The following CRYBG2 variants were observed in gnomAD, a reference collection of about 807,000 sequenced individuals.
CRYBG2 encodes beta/gamma crystallin domain-containing protein 2.
In CRYBG2, 106 loss-of-function variants were observed where a neutral mutation model predicts 153.4. That is an observed-to-expected ratio of 0.69 (90% CI 0.59 to 0.81). The LOEUF (loss-of-function observed/expected upper bound fraction) is 0.81. Among genes scored for constraint, CRYBG2 ranks in the 30% least tolerant of loss-of-function variants. The probability of loss-of-function intolerance (pLI) is 0.00; values close to 1 mark genes in which losing one functional copy is unlikely to be tolerated. For missense variants in CRYBG2, 1,996 were observed against 2,112.0 expected (o/e 0.95, Z 1.08); for synonymous variants, 851 against 877.8 (o/e 0.97, Z 0.54).
intron 16 of CRYBG2, 111 bp downstream of exon 16, chr1:26,328,623 G>A: frequency 1.2e-5 from 18 of 1,450,894 alleles, no homozygotes; most frequent in Non-Finnish European, 1.7e-5. Flanking sequence ...TTGGAGGGGA[G>A]TGGGGGAAAA....
In CRYBG2 at chr1:26,344,347, G is replaced by T; in HGVS notation, c.2311C>A (p.Leu771Met). The change falls in exon 2 of 20, where the codon CTG becomes ATG. Residue 771 changes from leucine to methionine, a missense_variant. Coordinates refer to ENST00000308182, the MANE Select transcript of CRYBG2 (RefSeq NM_001039775.4). ...ATCTCAGGGGGCTCCATGCTCCGCA[G>T]CGTATCCAGGAATATCTCCAGGTCA... Reference protein sequence around the residue: ...AADLEIFLDTLRSMEPPEILR... With the variant: ...AADLEIFLDTMRSMEPPEILR... 1 of 1,504,930 alleles carries T rather than the reference G, an allele frequency of 6.6e-7. No individual in the cohort carries two copies. The allele number at this position is 1,504,930 out of a possible 1,614,324, so 93.2% of individuals were successfully genotyped here.
At position 26,336,155 on chromosome 1, in the gene CRYBG2, T is replaced by C; in HGVS notation, c.4124A>G (p.Asp1375Gly). ...GGAGGCGGGCAGAGCGGCCTGGTCA[T>C]CTTCGAAAGAGAAGTGGTCGCCCAG... ...DFLGDHFSFE[D>G]DQAALPASFR... is the part of the protein sequence containing the mutation. The change falls in exon 14 of 20, where the codon GAT becomes GGT. Residue 1375 changes from aspartate (D) to glycine (G), a missense_variant. Physicochemically the swap from Asp to Gly is moderately conservative, Grantham distance 94. Transcript: ENST00000308182. This position sits in a 1 kb window ranked among gnomAD's most constrained non-coding sequence, Gnocchi z 4.9. The C allele has an allele frequency of 6.5e-7, 1 of 1,543,954 alleles. No individual in the cohort carries two copies. Among genetic ancestry groups the C allele is most frequent in the South Asian group, 1.2e-5 (1 of 82,680 alleles).
chr1:26,338,304 G>A, intron 7 of CRYBG2, 47 bp downstream of exon 7: 1 of 1,542,456 alleles, frequency 6.5e-7, no homozygotes, highest in Non-Finnish European at 8.7e-7. Context: ...TTGGGACCAG[G>A]GGCAGAGCCT....
In CRYBG2 at chr1:26,338,491, A is replaced by C; in HGVS notation, c.3345-14T>G. On this transcript the variant is annotated splice_polypyrimidine_tract_variant and intron_variant, in intron 6 of 19. Coordinates refer to ENST00000308182, the MANE Select transcript of CRYBG2 (RefSeq NM_001039775.4). ...TACAGTAGCCACCTAGGGGAAACAG[A>C]GAGGCTGCTGCACCCTAGCAGAGAG... The C allele has an allele frequency of 1.3e-6, 2 of 1,593,498 alleles. No individual in the cohort carries two copies. Among genetic ancestry groups the C allele is most frequent in the Non-Finnish European group, 8.5e-7 (1 of 1,170,368 alleles).
At position 26,331,633 on chromosome 1, in the gene CRYBG2, G is replaced by A. The variant is rs534809545; in HGVS notation, c.4185-15C>T. 3.1e-6 allele frequency: 5 copies of A among 1,606,768 alleles called. No individual in the cohort carries two copies. Among genetic ancestry groups the A allele is most frequent in the African/African-American group, 2.7e-5 (2 of 74,930 alleles). The stretch of plus-strand genomic sequence containing the variant: ...ACAGGATCCAGCTAGGGAAGGGGAA[G>A]AAATGGAGGGTATCTGAGCCTACCT... On this transcript the variant is annotated splice_polypyrimidine_tract_variant and intron_variant, in intron 14 of 19. Transcript: ENST00000308182.
rs2074152369 is a variant in CRYBG2, at chr1:26,343,096, C to A, written c.3025G>T (p.Asp1009Tyr). 6.4e-7 allele frequency: 1 copy of A among 1,550,444 alleles called. No homozygotes were observed. Among genetic ancestry groups the A allele is most frequent in the Non-Finnish European group, 8.7e-7 (1 of 1,146,970 alleles). ...SGREVWGDIV[D>Y]ASGWAPVASI... ...GCTACGGGGGCCCAGCCTGAGGCAT[C>A]AACGATGTCTCCCCAGACCTCCCTG... The change falls in exon 4 of 20, where the codon GAT becomes TAT. Residue 1009 changes from aspartate (D) to tyrosine (Y), a missense_variant. Transcript: ENST00000308182. This position sits in a 1 kb window ranked among gnomAD's most constrained non-coding sequence, Gnocchi z 4.1.
At position 26,345,192 on chromosome 1, in the gene CRYBG2, G is replaced by A; in HGVS notation, c.1466C>T (p.Ala489Val). The change falls in exon 2 of 20, where the codon GCC (alanine) becomes GTC (valine). Residue 489 changes from alanine to valine, a missense_variant. Coordinates refer to ENST00000308182, the MANE Select transcript of CRYBG2 (RefSeq NM_001039775.4). ...GACCTCTTTCCAGGTGGGGGACGAG[G>A]CAGCAGAAGCACTGGACCCCTGCAC... ...EVVQGSSASA[A>V]SSPTWKEVVK... The A allele has an allele frequency of 7.0e-7, 1 of 1,427,352 alleles. No homozygotes were observed. The highest frequency in any genetic ancestry group is 1.5e-5 in the African/African-American group (1 of 68,750). 88.4% of individuals were successfully genotyped at this position (1,427,352 alleles called of 1,614,324 possible).
chr1:26,322,365 G>A, intron 18 of CRYBG2, 42 bp from the exon 19 acceptor site: 1 of 1,586,848 alleles, frequency 6.3e-7, no homozygotes. Flanking sequence ...CCTCCCCACA[G>A]GGACTCTACT....
At chr1:26,353,415 C>T (rs2074306577) in intron 1 of CRYBG2, among the ~76,000 whole-genome samples, 1 of 152,130 alleles carries the variant, frequency 6.6e-6, no homozygotes, top group African/African-American at 2.4e-5. Context: ...CTGCGCCCCC[C>T]AGGCAGATTT....
In CRYBG2 at chr1:26,328,246, C is replaced by G; in HGVS notation, c.4541G>C (p.Gly1514Ala). The change falls in exon 17 of 20, where the codon GGC (glycine) becomes GCC (alanine). Residue 1514 changes from glycine (G) to alanine (A), a missense_variant. Physicochemically the swap from Gly to Ala is moderately conservative, Grantham distance 60. Coordinates refer to ENST00000308182, the MANE Select transcript of CRYBG2 (RefSeq NM_001039775.4). The part of the protein sequence containing the change: ...CEITNWLTYS[G>A]TQRVGSLYPI... ...GTAGAGGGAGCCCACCCTCTGGGTG[C>G]CGCTGTAGGTCAGCCAGTTGGTGAT... 6.4e-7 allele frequency: 1 copy of G among 1,564,312 alleles called. No homozygotes were observed. The highest frequency in any genetic ancestry group is 8.7e-7 in the Non-Finnish European group (1 of 1,154,388).
At position 26,331,511 on chromosome 1, in the gene CRYBG2, C is replaced by T. The variant is rs1197004389; in HGVS notation, c.4292G>A (p.Gly1431Asp). The T allele has an allele frequency of 4.3e-6, 7 of 1,613,972 alleles. No individual in the cohort carries two copies. The highest frequency in any genetic ancestry group is 5.1e-6 in the Non-Finnish European group (6 of 1,180,032). The change falls in exon 15 of 20, where the codon GGC becomes GAC. Residue 1431 changes from glycine to aspartate, a missense_variant. By Grantham distance (94) the Gly-to-Asp change is moderately conservative. Transcript: ENST00000308182. ...CACCAGGGATACCTTCTGGAGAGAG[C>T]CCAGGACTGTGGAGGCGAGGCAGCC... ...AMGCLASTVL[G>D]SLQKVSLHFS...
intron 17 of CRYBG2, chr1:26,326,648 T>C (rs2073930599): frequency 4.9e-6 from 1 of 202,432 alleles, no homozygotes; most frequent in Non-Finnish European, 1.1e-5. Flanking sequence ...GATTTTTTTC[T>C]TTTTCCTCTT....
Position 26,321,881 on chromosome 1 carries a change from A to T in CRYBG2, c.*87T>A. ...AGACAAGGGTACCTGGCAGCATATT[A>T]GAAAATAGCTTATGTTACAACAAAA... On this transcript the variant is annotated 3_prime_UTR_variant, in exon 20 of 20. Coordinates refer to ENST00000308182, the MANE Select transcript of CRYBG2 (RefSeq NM_001039775.4). The T allele has an allele frequency of 8.3e-7, 1 of 1,208,828 alleles. No homozygotes were observed. Among genetic ancestry groups the T allele is most frequent in the Non-Finnish European group, 1.1e-6 (1 of 883,460 alleles). 74.9% of individuals were successfully genotyped at this position (1,208,828 alleles called of 1,614,324 possible). A position where few individuals can be genotyped will look rare whatever the true frequency, so the allele number is the denominator to read the frequency against.
At chr1:26,349,468 C>G (rs1433809041) in intron 1 of CRYBG2, among the ~76,000 whole-genome samples, 2 of 152,170 alleles carry the variant, frequency 1.3e-5, no homozygotes, top group Non-Finnish European at 2.9e-5. Flanking sequence ...CTCAGCAGAG[C>G]ATGTCTCACC....
Position 26,344,723 on chromosome 1 carries a change from T to A in CRYBG2, c.1935A>T (p.Lys645Asn). The change falls in exon 2 of 20, where the codon AAA becomes AAT. Residue 645 changes from lysine to asparagine, a missense_variant. Coordinates refer to ENST00000308182, the MANE Select transcript of CRYBG2 (RefSeq NM_001039775.4). ...QGPKGSSSIQ[K>N]EAVQGIAGSL... ...TGCCTGCAATACCCTGGACAGCCTC[T>A]TTTTGGATGCTACTGCTGCCTTTTG... is the stretch of plus-strand genomic sequence containing the variant. 1 of 1,534,616 alleles carries A rather than the reference T, an allele frequency of 6.5e-7. No individual in the cohort carries two copies. The highest frequency in any genetic ancestry group is 8.7e-7 in the Non-Finnish European group (1 of 1,145,930).
Position 26,343,352 on chromosome 1 carries a change from A to G in CRYBG2, c.2914-59T>C. 2.0e-6 allele frequency: 3 copies of G among 1,525,422 alleles called. No homozygotes were observed. The highest frequency in any genetic ancestry group is 2.7e-6 in the Non-Finnish European group (3 of 1,124,720). The allele number at this position is 1,525,422 out of a possible 1,614,324, so 94.5% of individuals were successfully genotyped here. A position where few individuals can be genotyped will look rare whatever the true frequency, so the allele number is the denominator to read the frequency against. ...GGGGTCACCTCTTTTCTGCCTCCCC[A>G]CAACCCGCCATTCCAAGGATCCCAC... is the stretch of plus-strand genomic sequence containing the variant. On this transcript the variant is annotated intron_variant, in intron 2 of 19. Coordinates refer to ENST00000308182, the MANE Select transcript of CRYBG2 (RefSeq NM_001039775.4). The surrounding 1 kb of genome is among the most constrained non-coding windows in gnomAD (Gnocchi z 4.1).
chr1:26,338,751 G>A (rs145058689), intron 6 of CRYBG2, among the ~76,000 whole-genome samples: 186 of 152,200 alleles, frequency 1.2e-3, no homozygotes, highest in African/African-American at 4.0e-3. Flanking sequence ...AATAAAGCCC[G>A]GCTATGCAAA....
rs766891129 is a variant in CRYBG2 at position 26,345,514 on chromosome 1, G to A, written c.1144C>T (p.Arg382Trp). ...QPVVPTHPGA[R>W]LTPLVLPPKK... Reference sequence around the variant, plus strand: ...GGGGGCAGAACAAGGGGAGTGAGCCGGGCCCCGGGGTGAGTGGGCACCACA... The same window carrying A: ...GGGGGCAGAACAAGGGGAGTGAGCCAGGCCCCGGGGTGAGTGGGCACCACA... Residue 382 changes from arginine (R) to tryptophan (W), a missense_variant, in exon 2 of 20, where the codon CGG becomes TGG. Transcript: ENST00000308182. 22 of 1,595,154 alleles carry A rather than the reference G, an allele frequency of 1.4e-5. No individual in the cohort carries two copies. The highest frequency in any genetic ancestry group is 5.1e-5 in the Admixed American group (3 of 58,632).
chr1:26,337,660 C>G lies in CRYBG2; in HGVS notation c.3522G>C (p.Glu1174Asp), dbSNP rs139460101. Residue 1174 changes from glutamate (E) to aspartate (D), a missense_variant, in exon 9 of 20, where the codon GAG becomes GAC. Coordinates refer to ENST00000308182, the MANE Select transcript of CRYBG2 (RefSeq NM_001039775.4). ...AGCTGCGGCCCTGAAAGCCTGGGGC[C>G]TCATACACCACAGCCTGGGGGAAAG... ...KPGEPRAVVY[E>D]APGFQGRSWE... 1 of 1,611,950 alleles carries G rather than the reference C, an allele frequency of 6.2e-7. No individual in the cohort carries two copies. The highest frequency in any genetic ancestry group is 1.3e-5 in the African/African-American group (1 of 74,866).
Sources: allele counts gnomAD v4.1 joint callset (sites outside exome capture counted in the v4.1 genomes callset), GRCh38; gene constraint gnomAD v4.1.1; non-coding constraint Gnocchi (gnomAD v3.1); transcripts MANE v1.5; gene names NCBI Gene and HGNC (gene_info 2026-07-23, HGNC 2026-07-21).